GRK5: variants seen among roughly 807,000 people sequenced by gnomAD.
GRK5 encodes G protein-coupled receptor kinase 5.
GRK5 carries 40 observed loss-of-function variants against 78.4 expected under a neutral mutation model. The ratio of observed to expected loss-of-function variants is 0.51; its 90% CI spans 0.40 to 0.66. The LOEUF is 0.66. Among genes scored for constraint, GRK5 ranks in the 30% least tolerant of loss-of-function variants. The pLI, the probability that GRK5 is intolerant of heterozygous loss-of-function variation, is 0.00. For missense variants in GRK5, 598 were observed against 759.9 expected (o/e 0.79, Z 2.50); for synonymous variants, 289 against 296.8 (o/e 0.97, Z 0.27).
intron 1 of GRK5, among the ~76,000 whole-genome samples, chr10:119,266,778 T>G (rs186883029): frequency 5.9e-5 from 9 of 151,362 alleles, no homozygotes; most frequent in East Asian, 2.0e-4. Flanking sequence ...GAAGAGTTTT[T>G]TTTTTTTTTT....
chr10:119,439,257 G>C (rs1109674), intron 9 of GRK5, among the ~76,000 whole-genome samples: 91,817 of 152,182 alleles, frequency 0.6, 28,269 homozygotes, highest in Admixed American at 0.63. Context: ...GCTGGTGTTG[G>C]GGGATATGCC....
intron 1 of GRK5, among the ~76,000 whole-genome samples, chr10:119,323,665 G>A (rs1393129825): frequency 3.9e-5 from 6 of 152,162 alleles, no homozygotes; most frequent in East Asian, 3.9e-4. Context: ...TGGGAGAGAC[G>A]TCCAAGGTCT....
In GRK5 at chr10:119,455,110, CCCTTCTCCTTAG is replaced by C; in HGVS notation, c.*44_*55del. The C allele has an allele frequency of 1.4e-6, 2 of 1,436,800 alleles. No homozygotes were observed. Among genetic ancestry groups the C allele is most frequent in the Non-Finnish European group, 2.0e-6 (2 of 1,018,942 alleles). The allele number at this position is 1,436,800 out of a possible 1,614,324, so 89.0% of individuals were successfully genotyped here. ...AAGTCCACAGTGGAACCAGCCCAGA[CCCTTCTCCTTAG>C]AAGTGGAAGTAGTGGAGCCCCTGCT... On this transcript the variant is annotated 3_prime_UTR_variant, in exon 16 of 16. Coordinates refer to ENST00000392870, the MANE Select transcript of GRK5 (RefSeq NM_005308.3).
At chr10:119,236,765 A>G (rs1266837008) in intron 1 of GRK5, among the ~76,000 whole-genome samples, 1 of 151,660 alleles carries the variant, frequency 6.6e-6, no homozygotes, top group Non-Finnish European at 1.5e-5. Flanking sequence ...TCAGCCTCAC[A>G]AGTAGCTGGG....
rs570431765 is a variant in GRK5 at position 119,286,205 on chromosome 10, AAC to A, written c.53-40308_53-40307del. ...AAAAAATAGAGAGGATAGTGTAATG[AAC>A]ACCCTGTACCCTGCAGCCACCACTA... On this transcript the variant is annotated intron_variant, in intron 1 of 15. Transcript: ENST00000392870. Among the ~76,000 whole-genome samples, 12 of 152,206 alleles carry A rather than the reference AAC, an allele frequency of 7.9e-5. No individual in the cohort carries two copies. In the South Asian group the frequency reaches 1.9e-3, roughly 24 times the overall value.
intron 8 of GRK5, among the ~76,000 whole-genome samples, chr10:119,432,830 G>A (rs2133896900): frequency 6.6e-6 from 1 of 152,332 alleles, no homozygotes; most frequent in East Asian, 1.9e-4. Flanking sequence ...CAGCACTTTG[G>A]GAGGTCGAGG....
At chr10:119,319,448 G>A in intron 1 of GRK5, among the ~76,000 whole-genome samples, 1 of 152,222 alleles carries the variant, frequency 6.6e-6, no homozygotes, top group East Asian at 1.9e-4. Flanking sequence ...ATCGGCCCTG[G>A]GCCTCGGTCA....
Position 119,213,648 on chromosome 10 carries a change from G to T in GRK5, c.52+5679G>T, listed in dbSNP as rs149371911. On this transcript the variant is annotated intron_variant, in intron 1 of 15. Transcript: ENST00000392870. The stretch of plus-strand genomic sequence containing the variant: ...CTAAATATTGAAAAGATGTATTTTG[G>T]GGGGGCAGAGATAATGTCATTCCTT... Among the ~76,000 whole-genome samples the T allele has an allele frequency of 6.6e-5, 10 of 152,080 alleles. No individual in the cohort carries two copies. In the East Asian group the frequency reaches 1.7e-3, roughly 26 times the overall value.
chr10:119,395,818 G>C (rs1852040374), intron 3 of GRK5, among the ~76,000 whole-genome samples: 1 of 152,096 alleles, frequency 6.6e-6, no homozygotes, highest in African/African-American at 2.4e-5. Context: ...CCCTGCGCTT[G>C]GAGGTTCGAG....
At chr10:119,251,745 GC>G (rs1442985842) in intron 1 of GRK5, among the ~76,000 whole-genome samples, 1 of 152,218 alleles carries the variant, frequency 6.6e-6, no homozygotes, top group Non-Finnish European at 1.5e-5. Context: ...TGTCATGGGG[GC>G]CGGCCTGTGC....
At chr10:119,398,266 G>T (rs559124789) in intron 4 of GRK5, among the ~76,000 whole-genome samples, 1 of 152,238 alleles carries the variant, frequency 6.6e-6, no homozygotes, top group African/African-American at 2.4e-5. Context: ...ACTCAAGATA[G>T]TGTGGACACT....
intron 1 of GRK5, among the ~76,000 whole-genome samples, chr10:119,241,590 G>A (rs570361086): frequency 1.3e-5 from 2 of 152,300 alleles, no homozygotes; most frequent in South Asian, 2.1e-4. Flanking sequence ...ATAGTGGTGG[G>A]CACATAGGGG....
chr10:119,315,497 C>T (rs1850470303), intron 1 of GRK5, among the ~76,000 whole-genome samples: 1 of 152,100 alleles, frequency 6.6e-6, no homozygotes. Context: ...GAACAGGAGG[C>T]AGTAGACACA....
intron 2 of GRK5, among the ~76,000 whole-genome samples, chr10:119,331,699 C>T (rs916283916): frequency 6.6e-6 from 1 of 152,224 alleles, no homozygotes; most frequent in East Asian, 1.9e-4. Context: ...GTCTGGATGG[C>T]CCCGAACGGT....
At chr10:119,351,889 T>A (rs1247239477) in intron 2 of GRK5, among the ~76,000 whole-genome samples, 1 of 152,200 alleles carries the variant, frequency 6.6e-6, no homozygotes, top group Non-Finnish European at 1.5e-5. Flanking sequence ...GACTAGTAAG[T>A]GAGGGAACTT....
At position 119,452,821 on chromosome 10, in the gene GRK5, G is replaced by C. The variant is rs765123181; in HGVS notation, c.1542+13G>C. 2.8e-5 allele frequency: 18 copies of C among 652,668 alleles called. No individual in the cohort carries two copies. Among genetic ancestry groups the C allele is most frequent in the Non-Finnish European group, 4.8e-5 (18 of 374,260 alleles). The allele number at this position is 652,668 out of a possible 1,614,324, so 40.4% of individuals were successfully genotyped here. The stretch of plus-strand genomic sequence containing the variant: ...ATGGCAAAACGAGGTGAGCAGGGCA[G>C]ACCACTTGCTTTGGTCTGGGTGGGA... On this transcript the variant is annotated intron_variant, in intron 14 of 15. Coordinates refer to ENST00000392870, the MANE Select transcript of GRK5 (RefSeq NM_005308.3). This position sits in a 1 kb window ranked among gnomAD's most constrained non-coding sequence, Gnocchi z 4.4.
chr10:119,370,117 G>A (rs1003257291), intron 2 of GRK5, among the ~76,000 whole-genome samples: 5 of 152,250 alleles, frequency 3.3e-5, no homozygotes, highest in African/African-American at 1.2e-4. Flanking sequence ...GCATCTGATG[G>A]GTTCAAGCCA....
At chr10:119,306,814 G>A (rs977524989) in intron 1 of GRK5, among the ~76,000 whole-genome samples, 5 of 152,078 alleles carry the variant, frequency 3.3e-5, no homozygotes, top group African/African-American at 9.7e-5. Context: ...CTCACTGGGT[G>A]CAGTGTCCTC....
intron 2 of GRK5, among the ~76,000 whole-genome samples, chr10:119,363,390 A>G (rs1851396478): frequency 6.6e-6 from 1 of 152,104 alleles, no homozygotes; most frequent in Non-Finnish European, 1.5e-5. Flanking sequence ...TACTATTATT[A>G]TTTCTATTCT....
Sources: allele counts gnomAD v4.1 joint callset (sites outside exome capture counted in the v4.1 genomes callset), GRCh38; gene constraint gnomAD v4.1.1; non-coding constraint Gnocchi (gnomAD v3.1); transcripts MANE v1.5; gene names NCBI Gene and HGNC (gene_info 2026-07-23, HGNC 2026-07-21).